The following BRCA2 variants were observed in gnomAD, a reference collection of about 807,000 sequenced individuals.
BRCA2 encodes the protein BRCA2 DNA repair associated, also known as breast cancer type 2 susceptibility protein.
Under a neutral mutation model 276.7 loss-of-function variants are expected in BRCA2, and 203 were observed. The observed-to-expected ratio is 0.73, with a 90% CI of 0.65 to 0.82. The LOEUF (loss-of-function observed/expected upper bound fraction) is 0.82, where lower values mean the gene tolerates loss of function less well. Among genes scored for constraint, BRCA2 ranks in the 40% least tolerant of loss-of-function variants. The pLI is 0.00. For missense variants in BRCA2, 3,920 were observed against 3,915.0 expected (o/e 1.00, Z -0.03); for synonymous variants, 1,289 against 1,338.4 (o/e 0.96, Z 0.81).
intron 26 of BRCA2, 69 bp downstream of exon 26, chr13:32,397,113 T>C (rs1262479896): frequency 4.0e-6 from 6 of 1,494,636 alleles, no homozygotes; most frequent in Non-Finnish European, 5.6e-6. Context: ...TTCTGTTGTA[T>C]ACCTAGTAAA....
At chr13:32,347,032 C>A in intron 13 of BRCA2, 136 bp downstream of exon 13, 3 of 633,124 alleles carry the variant, frequency 4.7e-6, no homozygotes, top group East Asian at 3.2e-5. Flanking sequence ...TTATAAAATA[C>A]TTTGGTAGTA....
chr13:32,380,958 G>T (rs1349781782), intron 24 of BRCA2, among the ~76,000 whole-genome samples: 2 of 152,050 alleles, frequency 1.3e-5, no homozygotes, highest in African/African-American at 4.8e-5. Context: ...TAGGAGTTTT[G>T]CTCTTTCTCT....
chr13:32,329,089 C>T (rs1400115995), intron 7 of BRCA2, among the ~76,000 whole-genome samples: 1 of 152,042 alleles, frequency 6.6e-6, no homozygotes, highest in African/African-American at 2.4e-5. Flanking sequence ...ATATAGTATG[C>T]CTTTAGGCTG....
At chr13:32,348,523 A>C (rs968028481) in intron 13 of BRCA2, among the ~76,000 whole-genome samples, 2 of 152,196 alleles carry the variant, frequency 1.3e-5, no homozygotes, top group African/African-American at 4.8e-5. Flanking sequence ...AATCTAGAAG[A>C]CTGTAGATCT....
chr13:32,320,626 A>G (rs1265938385), intron 3 of BRCA2, among the ~76,000 whole-genome samples: 2 of 152,234 alleles, frequency 1.3e-5, no homozygotes, highest in African/African-American at 4.8e-5. Context: ...AAGGAGACAT[A>G]CATAAGCAAT....
rs80359406 is a variant in BRCA2 at position 32,338,208 on chromosome 13, GA to G, written c.3860del (p.Asn1287IlefsTer6). 7 of 1,543,884 alleles carry G rather than the reference GA, an allele frequency of 4.5e-6. No individual in the cohort carries two copies. The highest frequency in any genetic ancestry group is 2.5e-5 in the South Asian group (2 of 81,588). Reference sequence around the variant, plus strand: ...AAATCATAATGATAAAACTGTAAGTGAAAAAAATAATAAATGCCAACTGATA... The same window carrying G: ...AAATCATAATGATAAAACTGTAAGTGAAAAAATAATAAATGCCAACTGATA... ...IENHNDKTVS[E>X]KNNKCQLILQ... On this transcript the variant is annotated frameshift_variant, in exon 11 of 27. Coordinates refer to ENST00000380152, the MANE Select transcript of BRCA2 (RefSeq NM_000059.4). LOFTEE classifies it high-confidence loss of function.
chr13:32,359,428 A>G (rs1303308740), intron 16 of BRCA2, among the ~76,000 whole-genome samples: 1 of 152,136 alleles, frequency 6.6e-6, no homozygotes, highest in Non-Finnish European at 1.5e-5. Context: ...AACAGCAACA[A>G]TTTAGAAACT....
chr13:32,338,191 A>G lies in BRCA2; in HGVS notation c.3836A>G (p.Asn1279Ser), dbSNP rs1060502384. Residue 1279 changes from asparagine (N) to serine (S), a missense_variant, in exon 11 of 27, where the codon AAT becomes AGT. By Grantham distance (46) the Asn-to-Ser change is conservative. Around this residue, in one of 2 missense-constraint regions of BRCA2, gnomAD observed 3,263 missense variants for 3,156.9 expected, o/e 1.03. Transcript: ENST00000380152. ...TCAATGTTTAAGATAGAAAATCATA[A>G]TGATAAAACTGTAAGTGAAAAAAAT... ...VVSMFKIENH[N>S]DKTVSEKNNK... 1 of 1,559,950 alleles carries G rather than the reference A, an allele frequency of 6.4e-7. No homozygotes were observed. The highest frequency in any genetic ancestry group is 8.7e-7 in the Non-Finnish European group (1 of 1,152,392).
At chr13:32,357,982 C>T (rs2137568169) in intron 16 of BRCA2, 53 bp downstream of exon 16, 1 of 1,572,066 alleles carries the variant, frequency 6.4e-7, no homozygotes, top group Non-Finnish European at 8.7e-7. Context: ...CCTCATCCCT[C>T]TTTCTTCTCT....
In BRCA2 at chr13:32,326,532, C is replaced by G. The variant is rs749053313; in HGVS notation, c.550C>G (p.Leu184Val). 6.2e-7 allele frequency: 1 copy of G among 1,613,932 alleles called. No homozygotes were observed. Among genetic ancestry groups the G allele is most frequent in the Non-Finnish European group, 8.5e-7 (1 of 1,179,842 alleles). The change falls in exon 7 of 27, where the codon CTA becomes GTA. Residue 184 changes from leucine (L) to valine (V), a missense_variant. This residue lies in a region of BRCA2 where 3,263 missense variants were observed against 3,156.9 expected (regional missense o/e 1.03). Coordinates refer to ENST00000380152, the MANE Select transcript of BRCA2 (RefSeq NM_000059.4). ...RQTPKHISESLGAEVDPDMSW... is the reference protein window; with the variant it reads ...RQTPKHISESVGAEVDPDMSW... The stretch of plus-strand genomic sequence containing the variant: ...GACACCAAAACATATTTCTGAAAGT[C>G]TAGGAGCTGAGGTGGATCCTGATAT...
rs431825360 is a variant in BRCA2, at chr13:32,362,647, A to G, written c.7930A>G (p.Asn2644Asp). The stretch of plus-strand genomic sequence containing the variant: ...ATGTGCCTTTCCTAAGGAATTTGCT[A>G]ATAGATGCCTAAGCCCAGAAAGGGT... ...MECAFPKEFA[N>D]RCLSPERVLL... is the part of the protein sequence containing the mutation. The change falls in exon 17 of 27, where the codon AAT (asparagine) becomes GAT (aspartate). Residue 2644 changes from asparagine (N) to aspartate (D), a missense_variant. Transcript: ENST00000380152. 4 of 1,614,118 alleles carry G rather than the reference A, an allele frequency of 2.5e-6. No individual in the cohort carries two copies. Among genetic ancestry groups the G allele is most frequent in the Non-Finnish European group, 3.4e-6 (4 of 1,180,042 alleles).
At chr13:32,353,762 G>A (rs1421137542) in intron 13 of BRCA2, among the ~76,000 whole-genome samples, 2 of 152,190 alleles carry the variant, frequency 1.3e-5, no homozygotes, top group Non-Finnish European at 2.9e-5. Context: ...GGTATCCAGG[G>A]TTTGGTAAAA....
At position 32,337,294 on chromosome 13, in the gene BRCA2, A is replaced by G. The variant is rs1250767974; in HGVS notation, c.2939A>G (p.Asp980Gly). 1.2e-6 allele frequency: 2 copies of G among 1,612,638 alleles called. No homozygotes were observed. Among genetic ancestry groups the G allele is most frequent in the Middle Eastern group, 1.7e-4 (1 of 6,048 alleles). ...DLKSDISLNI[D>G]KIPEKNNDYM... ...AAATCGGACATCTCCTTGAATATAG[A>G]TAAAATACCAGAAAAAAATAATGAT... The change falls in exon 11 of 27, where the codon GAT (aspartate) becomes GGT (glycine). Residue 980 changes from aspartate to glycine, a missense_variant. By Grantham distance (94) the Asp-to-Gly change is moderately conservative (BLOSUM62 -1). Transcript: ENST00000380152.
chr13:32,342,563 A>G (rs1302404200), intron 11 of BRCA2, among the ~76,000 whole-genome samples: 1 of 152,206 alleles, frequency 6.6e-6, no homozygotes, highest in Non-Finnish European at 1.5e-5. Flanking sequence ...TGGGAACATC[A>G]TAGAGTATAC....
chr13:32,354,968 C>G lies in BRCA2; in HGVS notation c.7115C>G (p.Ser2372Ter), dbSNP rs80358943. The G allele has an allele frequency of 6.2e-7, 1 of 1,613,432 alleles. No individual in the cohort carries two copies. The highest frequency in any genetic ancestry group is 1.3e-5 in the African/African-American group (1 of 74,892). Residue 2372 changes from serine to a stop codon, truncating the protein, a stop_gained, in exon 14 of 27, where the codon TCA (serine) becomes TGA (stop). Coordinates refer to ENST00000380152, the MANE Select transcript of BRCA2 (RefSeq NM_000059.4). LOFTEE classifies it high-confidence loss of function. ...GAACATCTGACTTTGGAAAAATCTTCAAGCAATTTAGCAGTTTCAGGACAT... is the reference window on the plus strand; with the variant it reads ...GAACATCTGACTTTGGAAAAATCTTGAAGCAATTTAGCAGTTTCAGGACAT... ...LYEHLTLEKS[S>*]SNLAVSGHPF...
chr13:32,336,482 G>C lies in BRCA2; in HGVS notation c.2127G>C (p.Leu709=), dbSNP rs554040246. The change falls in exon 11 of 27, where the codon CTG becomes CTC. Residue 709 remains leucine (L), a synonymous_variant. Coordinates refer to ENST00000380152, the MANE Select transcript of BRCA2 (RefSeq NM_000059.4). ...QLFITPEADS[L]SCLQEGQCEN... The stretch of plus-strand genomic sequence containing the variant: ...TTATTACCCCAGAAGCTGATTCTCT[G>C]TCATGCCTGCAGGAAGGACAGTGTG... 59 of 1,614,058 alleles carry C rather than the reference G, an allele frequency of 3.7e-5. No homozygotes were observed. In the East Asian group the frequency reaches 1.3e-3, roughly 35 times the overall value.
intron 12 of BRCA2, among the ~76,000 whole-genome samples, chr13:32,345,816 C>T (rs1424468259): frequency 6.6e-6 from 1 of 151,854 alleles, no homozygotes; most frequent in African/African-American, 2.4e-5. Flanking sequence ...AATTGTGATC[C>T]ATCACATGAG....
rs1566234419 is a variant in BRCA2, at chr13:32,340,720, T to G, written c.6365T>G (p.Met2122Arg). Reference protein sequence around the residue: ...RNPEHCVNSEMEKTCSKEFKL... With the variant: ...RNPEHCVNSEREKTCSKEFKL... ...CCAGAGCACTGTGTAAACTCAGAAA[T>G]GGAAAAAACCTGCAGTAAAGAATTT... Residue 2122 changes from methionine (M) to arginine (R), a missense_variant, in exon 11 of 27, where the codon ATG (methionine) becomes AGG (arginine). By Grantham distance (91) the Met-to-Arg change is moderately conservative. Around this residue, in one of 2 missense-constraint regions of BRCA2, gnomAD observed 3,263 missense variants for 3,156.9 expected, o/e 1.03. Transcript: ENST00000380152. 6.2e-7 allele frequency: 1 copy of G among 1,606,470 alleles called. No individual in the cohort carries two copies. The highest frequency in any genetic ancestry group is 8.5e-7 in the Non-Finnish European group (1 of 1,178,302).
intron 12 of BRCA2, 107 bp from the exon 13 acceptor site, chr13:32,346,720 G>A (rs1348761388): frequency 6.1e-6 from 5 of 816,546 alleles, no homozygotes; most frequent in Non-Finnish European, 9.4e-6. Flanking sequence ...TACATTCACT[G>A]AAAATTGTAA....
Sources: gnomAD v4.1 joint callset for allele counts (sites outside exome capture counted in the v4.1 genomes callset) on GRCh38, gnomAD v4.1.1 for gene constraint, gnomAD v4.1.1 regional missense constraint, MANE v1.5 for transcripts, NCBI Gene and HGNC (gene_info 2026-07-23, HGNC 2026-07-21) for gene names.